Variants in RIMOC1 observed in about 807,000 individuals in gnomAD.
RIMOC1 encodes the protein RAB7A-interacting MON1-CCZ1 complex subunit 1.
the RIMOC1 span, chr5:41,911,070 A>C: frequency 6.2e-7 from 1 of 1,609,558 alleles, no homozygotes; most frequent in South Asian, 1.1e-5. Flanking sequence ...CTTGGGGATG[A>C]GCTACTGGAA....
the RIMOC1 span, among the ~76,000 whole-genome samples, chr5:41,914,132 T>C: frequency 3.6e-4 from 55 of 152,296 alleles, no homozygotes; most frequent in Non-Finnish European, 6.9e-4. Context: ...AAGTAAGACA[T>C]TCTCATAACC....
the RIMOC1 span, chr5:41,907,813 C>A: frequency 6.2e-7 from 1 of 1,607,762 alleles, no homozygotes; most frequent in Non-Finnish European, 8.5e-7. Flanking sequence ...ATGTTCAAAT[C>A]CATCAAATCT....
chr5:41,914,616 A>G, the RIMOC1 span, among the ~76,000 whole-genome samples: 1 of 151,928 alleles, frequency 6.6e-6, no homozygotes, highest in Non-Finnish European at 1.5e-5. Flanking sequence ...AAAAAAAAAA[A>G]AAAATTAGCC....
chr5:41,916,944 G>C, the RIMOC1 span: 1 of 1,337,936 alleles, frequency 7.5e-7, no homozygotes, highest in South Asian at 1.6e-5. Flanking sequence ...ACTTTAATTA[G>C]AGTTTAGTTA....
the RIMOC1 span, chr5:41,909,781 G>A: frequency 6.3e-7 from 1 of 1,580,982 alleles, no homozygotes; most frequent in Non-Finnish European, 8.6e-7. Context: ...AGGAGAACAA[G>A]CTAGTAGATG....
the RIMOC1 span, among the ~76,000 whole-genome samples, chr5:41,908,762 A>AACTT: frequency 3.9e-5 from 6 of 152,142 alleles, no homozygotes; most frequent in African/African-American, 1.4e-4. Context: ...CAGACATTTT[A>AACTT]ACTTACTGGA....
At chr5:41,908,214 G>C in the RIMOC1 span, 2 of 161,932 alleles carry the variant, frequency 1.2e-5, no homozygotes, top group African/African-American at 4.8e-5. Flanking sequence ...ACCTTCCCTA[G>C]GATTCTCAAT....
chr5:41,910,485 G>A, the RIMOC1 span, among the ~76,000 whole-genome samples: 1 of 151,862 alleles, frequency 6.6e-6, no homozygotes, highest in East Asian at 1.9e-4. Context: ...CCTATGATTT[G>A]TATATCTAGT....
the RIMOC1 span, among the ~76,000 whole-genome samples, chr5:41,914,571 A>G: frequency 1.3e-5 from 2 of 151,818 alleles, no homozygotes; most frequent in Admixed American, 1.3e-4. Context: ...CCAGGAGTTC[A>G]AGACATAGTG....
At chr5:41,917,395 A>G in the RIMOC1 span, 1 of 1,454,186 alleles carries the variant, frequency 6.9e-7, no homozygotes, top group East Asian at 2.5e-5. Flanking sequence ...ACTGAATATG[A>G]GAACATTACA....
chr5:41,913,678 T>C, the RIMOC1 span, among the ~76,000 whole-genome samples: 1 of 152,242 alleles, frequency 6.6e-6, no homozygotes, highest in Admixed American at 6.5e-5. Context: ...AAATATGTTT[T>C]AATTCTTCCT....
chr5:41,918,422 C>T, the RIMOC1 span: 1 of 985,670 alleles, frequency 1.0e-6, no homozygotes, highest in Non-Finnish European at 1.2e-6. Flanking sequence ...CCTAAACTGT[C>T]AGCCCCTTTC....
the RIMOC1 span, chr5:41,904,534 G>T: frequency 1.4e-6 from 2 of 1,447,012 alleles, no homozygotes; most frequent in Non-Finnish European, 1.9e-6. Flanking sequence ...CTCGATGGCT[G>T]TGAGGGCTAG....
the RIMOC1 span, chr5:41,911,143 A>C: frequency 6.2e-7 from 1 of 1,607,438 alleles, no homozygotes; most frequent in Non-Finnish European, 8.5e-7. Context: ...CCAAAAGAAG[A>C]GAGTGGCTCT....
the RIMOC1 span, among the ~76,000 whole-genome samples, chr5:41,909,013 C>A: frequency 6.6e-6 from 1 of 151,902 alleles, no homozygotes; most frequent in East Asian, 1.9e-4. Context: ...ATTTTTTACT[C>A]CAACAAGGAA....
chr5:41,907,621 C>T, the RIMOC1 span: 3 of 597,978 alleles, frequency 5.0e-6, no homozygotes, highest in Non-Finnish European at 8.6e-6. Flanking sequence ...TCTGTTTCTC[C>T]ATATGTCATA....
the RIMOC1 span, among the ~76,000 whole-genome samples, chr5:41,905,263 T>C: frequency 6.6e-6 from 1 of 152,246 alleles, no homozygotes; most frequent in Non-Finnish European, 1.5e-5. Flanking sequence ...GAATTTGTTA[T>C]TAAATAGGGT....
At chr5:41,913,494 A>C in the RIMOC1 span, among the ~76,000 whole-genome samples, 3 of 152,174 alleles carry the variant, frequency 2.0e-5, no homozygotes, top group African/African-American at 7.2e-5. Flanking sequence ...TCTCCTTATA[A>C]ATGGAAGAAC....
chr5:41,912,913 A>C, the RIMOC1 span, among the ~76,000 whole-genome samples: 1 of 152,196 alleles, frequency 6.6e-6, no homozygotes, highest in African/African-American at 2.4e-5. Flanking sequence ...TCGCACAGTA[A>C]AGGTCCAGAG....
Sources: gnomAD v4.1 joint callset for allele counts (sites outside exome capture counted in the v4.1 genomes callset) on GRCh38, gnomAD v4.1.1 for gene constraint, MANE v1.5 for transcripts, NCBI Gene and HGNC (gene_info 2026-07-23, HGNC 2026-07-21) for gene names.